Variants in FGF14 observed in about 807,000 individuals in gnomAD.
FGF14 encodes the protein fibroblast growth factor 14, also known as fibroblast growth factor homologous factor 4.
Under a neutral mutation model 25.5 loss-of-function variants are expected in FGF14, and 5 were observed. The ratio of observed to expected loss-of-function variants is 0.20; its 90% CI spans 0.10 to 0.41. The LOEUF is 0.41. Among genes scored for constraint, FGF14 ranks in the 10% least tolerant of loss-of-function variants. The probability of loss-of-function intolerance (pLI) is 1.00; values close to 1 mark genes in which losing one functional copy is unlikely to be tolerated. For missense variants in FGF14, 222 were observed against 320.1 expected, an observed-to-expected ratio of 0.69 and a Z score of 2.34; for synonymous variants, 138 against 118.3, an observed-to-expected ratio of 1.17 and a Z score of -1.08.
intron 3 of FGF14, among the ~76,000 whole-genome samples, chr13:101,785,118 C>CA (rs1487179899): frequency 1.3e-5 from 2 of 152,016 alleles, no homozygotes; most frequent in Admixed American, 6.6e-5. Context: ...ACATCTGCCA[C>CA]AAAAAAGCAC....
rs967709322 is a variant in FGF14 at position 101,998,177 on chromosome 13, C to T, written c.209-122881G>A. 2.0e-5 allele frequency among the ~76,000 whole-genome samples: 3 copies of T among 152,090 alleles called. No individual in the cohort carries two copies. In the South Asian group the frequency reaches 6.2e-4, roughly 32 times the overall value. On this transcript the variant is annotated intron_variant, in intron 1 of 4. Coordinates refer to the FGF14 transcript ENST00000376131. ...ATTCATATTAAAAAAAGCACTGATG[C>T]TCTAATGGAAAAATGAAAGATATCC...
At chr13:101,783,723 G>C (rs2039650742) in intron 3 of FGF14, among the ~76,000 whole-genome samples, 1 of 151,994 alleles carries the variant, frequency 6.6e-6, no homozygotes, top group Admixed American at 6.6e-5. Flanking sequence ...ACTGCTTTTG[G>C]CATCTTTGTC....
chr13:102,217,195 G>A (rs1425369947), intron 1 of FGF14, among the ~76,000 whole-genome samples: 2 of 152,102 alleles, frequency 1.3e-5, no homozygotes, highest in African/African-American at 4.8e-5. Context: ...TAATACAATG[G>A]CAATTTAAAA....
intron 1 of FGF14, among the ~76,000 whole-genome samples, chr13:101,898,713 T>C (rs1251224919): frequency 6.6e-6 from 1 of 152,142 alleles, no homozygotes; most frequent in Non-Finnish European, 1.5e-5. Context: ...TTTTCACTTC[T>C]AGTTATAACC....
At chr13:102,240,038 T>C (rs975931290) in intron 1 of FGF14, among the ~76,000 whole-genome samples, 2 of 152,174 alleles carry the variant, frequency 1.3e-5, no homozygotes, top group African/African-American at 4.8e-5. Flanking sequence ...TGTGTTATTT[T>C]ACAATGGAAA....
At chr13:101,951,724 A>G (rs1350684125) in intron 1 of FGF14, among the ~76,000 whole-genome samples, 1 of 152,194 alleles carries the variant, frequency 6.6e-6, no homozygotes, top group African/African-American at 2.4e-5. Flanking sequence ...GATTTTCACA[A>G]GAATTCCAAA....
chr13:102,262,069 A>T (rs963213075), intron 1 of FGF14, among the ~76,000 whole-genome samples: 1 of 152,180 alleles, frequency 6.6e-6, no homozygotes, highest in African/African-American at 2.4e-5. Context: ...CACTGAGCAA[A>T]CAGATGTGAA....
intron 3 of FGF14, among the ~76,000 whole-genome samples, chr13:101,807,111 A>G (rs2041247019): frequency 6.6e-6 from 1 of 152,176 alleles, no homozygotes; most frequent in Non-Finnish European, 1.5e-5. Context: ...GAAGAAAAGT[A>G]TTGACTATAA....
intron 1 of FGF14, among the ~76,000 whole-genome samples, chr13:102,142,899 AAAC>A (rs1314730249): frequency 2.0e-5 from 3 of 152,298 alleles, no homozygotes; most frequent in African/African-American, 2.4e-5. Flanking sequence ...TTTCCTTTAA[AAAC>A]AACATACGCT....
At chr13:102,037,565 C>T (rs1448854041) in intron 1 of FGF14, among the ~76,000 whole-genome samples, 4 of 152,026 alleles carry the variant, frequency 2.6e-5, no homozygotes, top group African/African-American at 9.7e-5. Context: ...ACCCTCCTGC[C>T]AATAGGAGGA....
intron 3 of FGF14, among the ~76,000 whole-genome samples, chr13:101,824,702 T>C (rs1439347303): frequency 3.3e-5 from 5 of 152,272 alleles, no homozygotes; most frequent in African/African-American, 1.2e-4. Context: ...TGAATAGTCT[T>C]AGGATGGGAG....
At chr13:102,340,141 C>G (rs192765536) in intron 1 of FGF14, among the ~76,000 whole-genome samples, 3 of 152,234 alleles carry the variant, frequency 2.0e-5, no homozygotes, top group Non-Finnish European at 2.9e-5. Context: ...GAAACGCAAC[C>G]AAATTCAGCT....
Position 101,715,547 on chromosome 13 carries a change from A to G in FGF14, c.*7284T>C. 1 of 1,557,456 alleles carries G rather than the reference A, an allele frequency of 6.4e-7. No individual in the cohort carries two copies. The highest frequency in any genetic ancestry group is 8.9e-7 in the Non-Finnish European group (1 of 1,128,402). On this transcript the variant is annotated 3_prime_UTR_variant, in exon 5 of 5. Coordinates refer to ENST00000376143, the MANE Select transcript of FGF14 (RefSeq NM_004115.4). ...TTTTGATCATAATCATGATACCTATATGTATTTTATTGCAGGGAATGGAAT... is the reference window on the plus strand; with the variant it reads ...TTTTGATCATAATCATGATACCTATGTGTATTTTATTGCAGGGAATGGAAT...
chr13:102,077,812 T>C (rs991529492), intron 1 of FGF14, among the ~76,000 whole-genome samples: 4 of 152,134 alleles, frequency 2.6e-5, no homozygotes, highest in African/African-American at 9.7e-5. Flanking sequence ...ATTAAATCAC[T>C]ATGTCAAAGA....
At chr13:102,246,088 T>A (rs2141047542) in intron 1 of FGF14, among the ~76,000 whole-genome samples, 1 of 152,174 alleles carries the variant, frequency 6.6e-6, no homozygotes, top group South Asian at 2.1e-4. Flanking sequence ...AGAAAAGAAG[T>A]GAAGCACAGA....
At chr13:102,236,125 C>A (rs1167954243) in intron 1 of FGF14, among the ~76,000 whole-genome samples, 1 of 152,166 alleles carries the variant, frequency 6.6e-6, no homozygotes, top group Non-Finnish European at 1.5e-5. Context: ...AGCTTCAAAC[C>A]TAAGGTGAGT....
chr13:102,028,875 C>T (rs2041069545), intron 1 of FGF14, among the ~76,000 whole-genome samples: 1 of 152,020 alleles, frequency 6.6e-6, no homozygotes, highest in East Asian at 1.9e-4. Context: ...TTGTGTATGG[C>T]ATTCACGTCT....
intron 1 of FGF14, among the ~76,000 whole-genome samples, chr13:101,936,262 G>A (rs1019727635): frequency 2.6e-5 from 4 of 152,148 alleles, no homozygotes; most frequent in South Asian, 4.1e-4. Context: ...GGGCACTTAC[G>A]TGGTCAAGAA....
intron 1 of FGF14, among the ~76,000 whole-genome samples, chr13:102,041,001 C>G (rs538499112): frequency 1.8e-4 from 27 of 151,942 alleles, no homozygotes; most frequent in Admixed American, 1.2e-3. Flanking sequence ...ACTTACCCAC[C>G]CTACCATACC....
Sources: gnomAD v4.1 joint callset for allele counts (sites outside exome capture counted in the v4.1 genomes callset) on GRCh38, gnomAD v4.1.1 for gene constraint, MANE v1.5 for transcripts, NCBI Gene and HGNC (gene_info 2026-07-23, HGNC 2026-07-21) for gene names.